The following CNTNAP2 variants were observed in gnomAD, a reference collection of about 807,000 sequenced individuals.
The protein encoded by CNTNAP2 is contactin associated protein 2.
Under a neutral mutation model 155.2 loss-of-function variants are expected in CNTNAP2, and 98 were observed. That is an observed-to-expected ratio of 0.63 (90% CI 0.54 to 0.75). The LOEUF is 0.75. CNTNAP2 is among the 30% of genes least tolerant of loss of function. CNTNAP2 has a pLI of 0.00. For synonymous variants in CNTNAP2, 651 were observed against 631.2 expected (o/e 1.03, Z -0.47); for missense variants, 1,727 against 1,688.1 (o/e 1.02, Z -0.40).
chr7:146,989,967 TA>T (rs1798180960), intron 3 of CNTNAP2, among the ~76,000 whole-genome samples: 1 of 152,088 alleles, frequency 6.6e-6, no homozygotes, highest in Non-Finnish European at 1.5e-5. Context: ...CTACTTGGCT[TA>T]TATGGAAATC....
At chr7:147,220,800 A>G (rs1584800362) in intron 8 of CNTNAP2, among the ~76,000 whole-genome samples, 1 of 150,732 alleles carries the variant, frequency 6.6e-6, no homozygotes, top group African/African-American at 2.4e-5. Context: ...CTCAACCTCC[A>G]CCTCCCAAGT....
chr7:147,187,377 G>A (rs186851483), intron 8 of CNTNAP2, among the ~76,000 whole-genome samples: 10 of 152,162 alleles, frequency 6.6e-5, no homozygotes, highest in East Asian at 5.8e-4. Context: ...GCCCATCAAC[G>A]GTAGACTGGT....
At chr7:146,686,200 G>A (rs542422423) in intron 1 of CNTNAP2, among the ~76,000 whole-genome samples, 1 of 152,198 alleles carries the variant, frequency 6.6e-6, no homozygotes, top group Non-Finnish European at 1.5e-5. Flanking sequence ...GGAAGCTGAG[G>A]CAGGAAGATC....
intron 9 of CNTNAP2, among the ~76,000 whole-genome samples, chr7:147,379,244 T>C (rs1340583372): frequency 6.6e-6 from 1 of 152,124 alleles, no homozygotes; most frequent in Non-Finnish European, 1.5e-5. Context: ...GTATATCTTA[T>C]TCTTTTCTTG....
At chr7:146,516,537 T>C (rs929559429) in intron 1 of CNTNAP2, among the ~76,000 whole-genome samples, 2 of 152,020 alleles carry the variant, frequency 1.3e-5, no homozygotes, top group Non-Finnish European at 2.9e-5. Context: ...TCATATGTTA[T>C]AGTTATGTAG....
intron 5 of CNTNAP2, among the ~76,000 whole-genome samples, chr7:147,115,598 C>T (rs938853893): frequency 2.6e-5 from 4 of 152,100 alleles, no homozygotes; most frequent in East Asian, 3.9e-4. Context: ...TCTTCCTCTG[C>T]TTGGTCTGCC....
intron 11 of CNTNAP2, among the ~76,000 whole-genome samples, chr7:147,500,411 A>G (rs1437194681): frequency 6.6e-6 from 1 of 151,958 alleles, no homozygotes; most frequent in African/African-American, 2.4e-5. Flanking sequence ...ATCAAATAAT[A>G]CTCATTCCTG....
chr7:146,861,498 T>A (rs1439802772), intron 3 of CNTNAP2, among the ~76,000 whole-genome samples: 2 of 152,182 alleles, frequency 1.3e-5, no homozygotes, highest in African/African-American at 4.8e-5. Flanking sequence ...ATTATACTAA[T>A]GCATCATAAT....
At chr7:148,415,073 C>G (rs1253973223) in intron 23 of CNTNAP2, among the ~76,000 whole-genome samples, 1 of 152,158 alleles carries the variant, frequency 6.6e-6, no homozygotes, top group East Asian at 1.9e-4. Context: ...CGCTGCCAGC[C>G]AGAAAACTAG....
At chr7:146,980,329 T>A (rs1408609773) in intron 3 of CNTNAP2, among the ~76,000 whole-genome samples, 1 of 152,170 alleles carries the variant, frequency 6.6e-6, no homozygotes, top group Non-Finnish European at 1.5e-5. Context: ...GAGCTGTATG[T>A]GTCGGTGAAA....
At chr7:146,254,161 ACAAG>A (rs67429552) in intron 1 of CNTNAP2, among the ~76,000 whole-genome samples, 4,103 of 131,232 alleles carry the variant, frequency 0.031, 168 homozygotes, top group African/African-American at 0.12. Flanking sequence ...ACACACACAC[ACAAG>A]CAAACACACA....
At chr7:148,218,685 C>T (rs908239242) in intron 19 of CNTNAP2, among the ~76,000 whole-genome samples, 4 of 152,014 alleles carry the variant, frequency 2.6e-5, no homozygotes, top group Admixed American at 2.0e-4. Flanking sequence ...CCACCATGCC[C>T]GGCCCAGGGG....
intron 8 of CNTNAP2, among the ~76,000 whole-genome samples, chr7:147,194,427 A>G (rs1053631872): frequency 4.6e-5 from 7 of 152,090 alleles, no homozygotes; most frequent in African/African-American, 1.7e-4. Context: ...AATGGTCTCT[A>G]TTCTTTTGGG....
At chr7:148,006,316 C>CTTTT (rs68011639) in intron 15 of CNTNAP2, among the ~76,000 whole-genome samples, 4 of 118,964 alleles carry the variant, frequency 3.4e-5, no homozygotes, top group Non-Finnish European at 5.3e-5. Flanking sequence ...ATAGGAAGTT[C>CTTTT]TTTTTTTTTT....
intron 1 of CNTNAP2, among the ~76,000 whole-genome samples, chr7:146,563,764 C>T (rs1798316234): frequency 6.6e-6 from 1 of 152,020 alleles, no homozygotes; most frequent in African/African-American, 2.4e-5. Flanking sequence ...ACCACTTTGC[C>T]CTTCACAGAA....
At chr7:148,409,151 A>G (rs1799769548) in intron 22 of CNTNAP2, among the ~76,000 whole-genome samples, 1 of 152,188 alleles carries the variant, frequency 6.6e-6, no homozygotes, top group Non-Finnish European at 1.5e-5. Context: ...GGATTCTCTA[A>G]TATTGCTCCA....
At chr7:146,247,629 A>G (rs1055877597) in intron 1 of CNTNAP2, among the ~76,000 whole-genome samples, 20 of 152,174 alleles carry the variant, frequency 1.3e-4, no homozygotes, top group African/African-American at 4.1e-4. Context: ...TTTTACGACA[A>G]TAATTATTTA....
chr7:148,101,350 A>AGAGT (rs1247428489), intron 15 of CNTNAP2, among the ~76,000 whole-genome samples: 2,832 of 144,430 alleles, frequency 0.02, 106 homozygotes, highest in African/African-American at 0.07. Context: ...TAAAAAGTTC[A>AGAGT]GTGTGTGTGT....
intron 9 of CNTNAP2, among the ~76,000 whole-genome samples, chr7:147,387,468 G>T (rs1377730749): frequency 6.6e-6 from 1 of 152,128 alleles, no homozygotes; most frequent in Non-Finnish European, 1.5e-5. Context: ...TGGCCCCCCA[G>T]TATCAATTGG....
Sources: allele counts gnomAD v4.1 joint callset (sites outside exome capture counted in the v4.1 genomes callset), GRCh38; gene constraint gnomAD v4.1.1; transcripts MANE v1.5; gene names NCBI Gene and HGNC (gene_info 2026-07-23, HGNC 2026-07-21).